PHTF1: variants seen among roughly 807,000 people sequenced by gnomAD.
The protein encoded by PHTF1 is protein PHTF1.
PHTF1 carries 88 observed loss-of-function variants against 102.4 expected under a neutral mutation model. That is an observed-to-expected ratio of 0.86 (90% CI 0.72 to 1.03). PHTF1 has a LOEUF of 1.03. Among genes scored for constraint, PHTF1 ranks in the 50% least tolerant of loss-of-function variants. The pLI, the probability that PHTF1 is intolerant of heterozygous loss-of-function variation, is 0.00. For synonymous variants in PHTF1, 289 were observed against 305.2 expected (o/e 0.95, Z 0.55); for missense variants, 814 against 909.5 (o/e 0.89, Z 1.35).
At chr1:113,722,963 T>A (rs192555636) in intron 7 of PHTF1, among the ~76,000 whole-genome samples, 455 of 143,182 alleles carry the variant, frequency 3.2e-3, no homozygotes, top group African/African-American at 8.9e-3. Context: ...AATAAATAAA[T>A]AAAAATAAAA....
In PHTF1 at chr1:113,711,805, T is replaced by A; in HGVS notation, c.988A>T (p.Ile330Phe). The stretch of plus-strand genomic sequence containing the variant: ...GCCAGACTATCTGAATCCCGCACAA[T>A]ATGACACCACCTTGTAGTGGTTTTC... ...VKKTTTRWCHIVRDSDSLAES... is the reference protein window; with the variant it reads ...VKKTTTRWCHFVRDSDSLAES... Residue 330 changes from isoleucine to phenylalanine, a missense_variant, in exon 10 of 19, where the codon ATT becomes TTT. Ile to Phe is a conservative substitution (Grantham distance 21). Transcript: ENST00000369604. 6.2e-7 allele frequency: 1 copy of A among 1,613,986 alleles called. No homozygotes were observed. The highest frequency in any genetic ancestry group is 1.3e-5 in the African/African-American group (1 of 75,056).
In PHTF1 at chr1:113,713,263, T is replaced by C. The variant is rs756082084; in HGVS notation, c.783+16A>G. The stretch of plus-strand genomic sequence containing the variant: ...ATGGGGAAAAAAACCCCTTGTTAAA[T>C]CCATCTAAATCTTACCCTACGGCAC... On this transcript the variant is annotated intron_variant, in intron 8 of 18. Transcript: ENST00000369604. 9.9e-6 allele frequency: 16 copies of C among 1,609,492 alleles called. No homozygotes were observed. The highest frequency in any genetic ancestry group is 1.3e-5 in the African/African-American group (1 of 74,870).
At chr1:113,758,893 C>G in intron 1 of PHTF1, 130 bp downstream of exon 1, 6 of 1,286,970 alleles carry the variant, frequency 4.7e-6, no homozygotes, top group Non-Finnish European at 5.9e-6. Flanking sequence ...AAAAAACTGG[C>G]GCAGCGGCGA....
chr1:113,718,192 C>G (rs1652367970), intron 7 of PHTF1, among the ~76,000 whole-genome samples: 1 of 152,184 alleles, frequency 6.6e-6, no homozygotes, highest in African/African-American at 2.4e-5. Context: ...TTACAGGGCC[C>G]TTGCAAGTCT....
At chr1:113,704,635 C>G in intron 14 of PHTF1, 31 bp downstream of exon 14, 1 of 1,520,222 alleles carries the variant, frequency 6.6e-7, no homozygotes, top group Non-Finnish European at 9.0e-7. Context: ...TATTCTTGCA[C>G]ATACTCTATT....
Position 113,705,889 on chromosome 1 carries a change from C to T in PHTF1, c.1671+1G>A, listed in dbSNP as rs1476414490. ...AAAATTTTCCTTATTTCTCCACTGA[C>T]CTGTTTATATGTTCTCTCTGCCACA... On this transcript the variant is annotated splice_donor_variant, in intron 13 of 18. Transcript: ENST00000369604. LOFTEE classifies it high-confidence loss of function. 1 of 1,610,512 alleles carries T rather than the reference C, an allele frequency of 6.2e-7. No individual in the cohort carries two copies. The highest frequency in any genetic ancestry group is 8.5e-7 in the Non-Finnish European group (1 of 1,178,826).
intron 7 of PHTF1, among the ~76,000 whole-genome samples, chr1:113,716,538 TGGG>T (rs1652064490): frequency 6.6e-6 from 1 of 151,920 alleles, no homozygotes; most frequent in Non-Finnish European, 1.5e-5. Flanking sequence ...TTGTAGAGAC[TGGG>T]TCTCCCTAAT....
intron 3 of PHTF1, among the ~76,000 whole-genome samples, chr1:113,754,804 A>C (rs951870492): frequency 6.6e-6 from 1 of 152,184 alleles, no homozygotes; most frequent in Admixed American, 6.5e-5. Flanking sequence ...TTTTCTACAG[A>C]ATAGTATCTA....
intron 17 of PHTF1, among the ~76,000 whole-genome samples, chr1:113,698,620 TACACACACAC>T (rs56167437): frequency 1.0e-4 from 5 of 49,670 alleles, no homozygotes; most frequent in African/African-American, 2.1e-4. Flanking sequence ...TATATATATA[TACACACACAC>T]ACACACACAC....
intron 3 of PHTF1, among the ~76,000 whole-genome samples, chr1:113,753,723 C>CTTTTT (rs879322976): frequency 2.1e-5 from 3 of 143,314 alleles, no homozygotes; most frequent in Non-Finnish European, 4.6e-5. Flanking sequence ...CGTGCCCAGC[C>CTTTTT]TTTTTTTTTT....
chr1:113,759,734 G>A (rs141500239), upstream of PHTF1, among the ~76,000 whole-genome samples: 482 of 152,360 alleles, frequency 3.2e-3, 4 homozygotes, highest in African/African-American at 0.011. Flanking sequence ...CCATCCAGCG[G>A]TCTAAAGGAG....
intron 7 of PHTF1, among the ~76,000 whole-genome samples, chr1:113,722,951 T>C (rs1398315781): frequency 2.0e-5 from 3 of 147,786 alleles, no homozygotes; most frequent in Non-Finnish European, 4.5e-5. Flanking sequence ...AATAAATAAA[T>C]AAATAAATAA....
At position 113,752,239 on chromosome 1, in the gene PHTF1, CTAAG is replaced by C. The variant is rs374068212; in HGVS notation, c.102+5456_102+5459del. Reference sequence around the variant, plus strand: ...GAATCTTACACTTTTTATGTCATTCCTAAGTGTTTTATTCTTTGTTGCTATTATA... The same window carrying C: ...GAATCTTACACTTTTTATGTCATTCCTGTTTTATTCTTTGTTGCTATTATA... On this transcript the variant is annotated intron_variant, in intron 3 of 18. Coordinates refer to ENST00000369604, the MANE Select transcript of PHTF1 (RefSeq NM_001323043.2). 4.9e-3 allele frequency among the ~76,000 whole-genome samples: 751 copies of C among 151,788 alleles called. 3 individuals carry two copies. Among genetic ancestry groups the C allele is most frequent in the African/African-American group, 0.017 (713 of 41,376 alleles).
rs1180341640 is a variant in PHTF1 at position 113,698,374 on chromosome 1, G to A, written c.2156C>T (p.Pro719Leu). 1 of 1,611,406 alleles carries A rather than the reference G, an allele frequency of 6.2e-7. No homozygotes were observed. The highest frequency in any genetic ancestry group is 8.5e-7 in the Non-Finnish European group (1 of 1,178,034). Residue 719 changes from proline (P) to leucine (L), a missense_variant, in exon 18 of 19, where the codon CCA (proline) becomes CTA (leucine). Physicochemically the swap from Pro to Leu is moderately conservative, Grantham distance 98 (BLOSUM62 -3). Coordinates refer to ENST00000369604, the MANE Select transcript of PHTF1 (RefSeq NM_001323043.2). Reference protein sequence around the residue: ...STKLLKELDTPFRLYGLTMNP... With the variant: ...STKLLKELDTLFRLYGLTMNP... ...CATTGTCAGTCCATAGAGTCTAAAT[G>A]GTGTGTCCAGCTCCTACAAAAAACA...
intron 5 of PHTF1, among the ~76,000 whole-genome samples, chr1:113,733,060 A>ATTTTTTTTTTTT (rs386368123): frequency 2.6e-4 from 22 of 84,168 alleles, no homozygotes; most frequent in African/African-American, 6.1e-4. Context: ...CGCCTGGCTA[A>ATTTTTTTTTTTT]TTTTTTTTTT....
chr1:113,712,408 T>C (rs1172496246), intron 8 of PHTF1, among the ~76,000 whole-genome samples: 1 of 152,242 alleles, frequency 6.6e-6, no homozygotes, highest in Non-Finnish European at 1.5e-5. Context: ...TTGAGCAATT[T>C]ACTAAATCTG....
intron 5 of PHTF1, among the ~76,000 whole-genome samples, chr1:113,737,693 G>T (rs930825067): frequency 6.6e-6 from 1 of 152,174 alleles, no homozygotes; most frequent in Admixed American, 6.5e-5. Flanking sequence ...CAGCTACTTG[G>T]GTGGCTGAGG....
At chr1:113,706,837 T>C (rs1261697615) in intron 11 of PHTF1, 115 bp from the exon 12 acceptor site, 3 of 524,966 alleles carry the variant, frequency 5.7e-6, no homozygotes, top group Non-Finnish European at 9.8e-6. Context: ...ATAATGCTGG[T>C]CCTTTCTTTC....
chr1:113,706,843 CTTTCTTTCTTT>C, intron 11 of PHTF1, 121 bp from the exon 12 acceptor site: 1 of 327,922 alleles, frequency 3.0e-6, no homozygotes, highest in Non-Finnish European at 5.4e-6. Context: ...CTGGTCCTTT[CTTTCTTTCTTT>C]TTTTTTTTTT....
Sources: allele counts gnomAD v4.1 joint callset (sites outside exome capture counted in the v4.1 genomes callset), GRCh38; gene constraint gnomAD v4.1.1; transcripts MANE v1.5; gene names NCBI Gene and HGNC (gene_info 2026-07-23, HGNC 2026-07-21).